MGRN1: variants seen among roughly 807,000 people sequenced by gnomAD.
MGRN1 encodes the protein mahogunin ring finger 1.
MGRN1 carries 29 observed loss-of-function variants against 69.2 expected under a neutral mutation model. The ratio of observed to expected loss-of-function variants is 0.42; its 90% CI spans 0.31 to 0.57. The LOEUF is 0.57. Ranked by LOEUF, MGRN1 falls within the 20% of genes least tolerant of loss-of-function variation. The pLI is 0.15. For missense variants in MGRN1, 998 were observed against 796.2 expected (o/e 1.25, Z -3.05); for synonymous variants, 470 against 344.2 (o/e 1.37, Z -4.04).
intron 1 of MGRN1, chr16:4,640,050 C>G (rs1260621678): frequency 6.6e-6 from 1 of 152,354 alleles, no homozygotes; most frequent in Admixed American, 6.5e-5. Flanking sequence ...TTGCCGCGTC[C>G]CGGGCCTCCC....
chr16:4,636,983 G>C (rs182974151), intron 1 of MGRN1, among the ~76,000 whole-genome samples: 93 of 152,030 alleles, frequency 6.1e-4, no homozygotes, highest in Non-Finnish European at 1.2e-3. Flanking sequence ...GCAGGGCACG[G>C]TGGCGTGCGC....
intron 4 of MGRN1, among the ~76,000 whole-genome samples, chr16:4,654,006 C>T (rs906449011): frequency 6.6e-6 from 1 of 152,186 alleles, no homozygotes; most frequent in Non-Finnish European, 1.5e-5. Context: ...CCTGCCTCGG[C>T]CTCCCAAAGT....
intron 11 of MGRN1, among the ~76,000 whole-genome samples, chr16:4,679,451 C>G (rs904357836): frequency 1.3e-5 from 2 of 152,066 alleles, no homozygotes; most frequent in African/African-American, 4.8e-5. Flanking sequence ...GCAAACGCTC[C>G]TCCTCACCTG....
intron 16 of MGRN1, among the ~76,000 whole-genome samples, chr16:4,685,955 G>A (rs921290377): frequency 2.6e-5 from 4 of 152,152 alleles, no homozygotes; most frequent in East Asian, 1.9e-4. Context: ...CCCCACCCAG[G>A]GCCTTCACTC....
intron 16 of MGRN1, among the ~76,000 whole-genome samples, chr16:4,685,486 G>A (rs1274399479): frequency 6.6e-6 from 1 of 152,204 alleles, no homozygotes; most frequent in Non-Finnish European, 1.5e-5. Context: ...TAGAGGAGAG[G>A]CCGAGTCTAC....
chr16:4,653,593 A>T (rs745792089), intron 4 of MGRN1, among the ~76,000 whole-genome samples: 1 of 147,988 alleles, frequency 6.8e-6, no homozygotes, highest in African/African-American at 2.5e-5. Flanking sequence ...AGTTGAAGCA[A>T]TTCTCCTGCC....
chr16:4,667,154 C>T (rs1299894852), intron 7 of MGRN1, among the ~76,000 whole-genome samples: 2 of 152,224 alleles, frequency 1.3e-5, no homozygotes. Context: ...GCCTCTGGGT[C>T]CTGCCTAGCC....
rs565650675 is a variant in MGRN1 at position 4,683,722 on chromosome 16, A to C, written c.1529-121A>C. 1.8e-5 allele frequency: 14 copies of C among 782,492 alleles called. No homozygotes were observed. The South Asian group carries it at 2.0e-4, about 11-fold the overall frequency. 48.5% of individuals were successfully genotyped at this position (782,492 alleles called of 1,614,324 possible). A position where few individuals can be genotyped will look rare whatever the true frequency, so the allele number is the denominator to read the frequency against. On this transcript the variant is annotated intron_variant, in intron 15 of 16. Transcript: ENST00000262370. The stretch of plus-strand genomic sequence containing the variant: ...CACGGTGGAGTCCTGCTGGAGCACA[A>C]GCCTGGGGTCCCCACAGTGGCTACA...
In MGRN1 at chr16:4,643,429, G is replaced by C. The variant is rs1318710293; in HGVS notation, c.89-6936G>C. Among the ~76,000 whole-genome samples the C allele has an allele frequency of 3.0e-5, 4 of 131,174 alleles. No homozygotes were observed. In the South Asian group the frequency reaches 9.7e-4, roughly 32 times the overall value. 86.1% of individuals were successfully genotyped at this position (131,174 alleles called of 152,430 possible). A position where few individuals can be genotyped will look rare whatever the true frequency, so the allele number is the denominator to read the frequency against. On this transcript the variant is annotated intron_variant, in intron 1 of 16. Transcript: ENST00000262370. ...TTTTTTTTTTTTTTTTTTTTTCTGA[G>C]ACAGAGTCTCCCTCACTGCAACCTC... is the stretch of plus-strand genomic sequence containing the variant.
At chr16:4,685,703 C>T (rs1228769096) in intron 16 of MGRN1, among the ~76,000 whole-genome samples, 1 of 152,260 alleles carries the variant, frequency 6.6e-6, no homozygotes, top group East Asian at 1.9e-4. Context: ...GTGGTGGCCC[C>T]TCTGTTCCAC....
chr16:4,640,794 G>C (rs1038944640), intron 1 of MGRN1, among the ~76,000 whole-genome samples: 24 of 152,216 alleles, frequency 1.6e-4, no homozygotes, highest in African/African-American at 5.8e-4. Context: ...TCCTGTCCCC[G>C]TGGTCCCCCG....
chr16:4,653,785 T>C (rs922790151), intron 4 of MGRN1, among the ~76,000 whole-genome samples: 5 of 143,470 alleles, frequency 3.5e-5, no homozygotes, highest in African/African-American at 1.1e-4. Flanking sequence ...AGAGTTTCGC[T>C]CTTGTTGCCC....
chr16:4,688,221 G>C, intron 16 of MGRN1: 1 of 985,708 alleles, frequency 1.0e-6, no homozygotes, highest in Non-Finnish European at 1.2e-6. Context: ...CAGCACCATT[G>C]CCCAAGCCCC....
chr16:4,688,965 C>A lies in MGRN1; in HGVS notation c.*57C>A. ...CGGCTCCCCAGACTTTGCCGAGGGG[C>A]TGCTCCGGACCCCGTTGTGAGCCGG... On this transcript the variant is annotated 3_prime_UTR_variant, in exon 17 of 17. Coordinates refer to ENST00000262370, the MANE Select transcript of MGRN1 (RefSeq NM_015246.4). 1 of 1,486,982 alleles carries A rather than the reference C, an allele frequency of 6.7e-7. No individual in the cohort carries two copies. Among genetic ancestry groups the A allele is most frequent in the Non-Finnish European group, 9.0e-7 (1 of 1,111,186 alleles). 92.1% of individuals were successfully genotyped at this position (1,486,982 alleles called of 1,614,324 possible).
chr16:4,682,512 C>A (rs2141978993), intron 13 of MGRN1, among the ~76,000 whole-genome samples: 1 of 152,362 alleles, frequency 6.6e-6, no homozygotes, highest in South Asian at 2.1e-4. Context: ...ACGGGGGCCT[C>A]TGTCTCCTGC....
At chr16:4,655,350 C>T (rs1223550428) in intron 4 of MGRN1, among the ~76,000 whole-genome samples, 1 of 152,218 alleles carries the variant, frequency 6.6e-6, no homozygotes, top group Non-Finnish European at 1.5e-5. Flanking sequence ...CCTGCCAGCC[C>T]TGGCTGGTGT....
At chr16:4,628,583 C>T (rs901536636) in intron 1 of MGRN1, among the ~76,000 whole-genome samples, 1 of 152,038 alleles carries the variant, frequency 6.6e-6, no homozygotes, top group Non-Finnish European at 1.5e-5. Context: ...GTTGCTCTGT[C>T]GCCCAGGTTG....
chr16:4,648,312 C>G (rs1311629925), intron 1 of MGRN1, among the ~76,000 whole-genome samples: 15 of 139,526 alleles, frequency 1.1e-4, no homozygotes, highest in African/African-American at 3.2e-4. Flanking sequence ...CCCGCGGGCT[C>G]TTCCCGTGGT....
Position 4,689,094 on chromosome 16 carries a change from C to T in MGRN1, c.*186C>T. On this transcript the variant is annotated 3_prime_UTR_variant, in exon 17 of 17. Coordinates refer to ENST00000262370, the MANE Select transcript of MGRN1 (RefSeq NM_015246.4). ...GTCCCTTCTGAGTCTCCCTTTTCTA[C>T]AGTTGATATATTTGTAACTGGTACA... The T allele has an allele frequency of 2.7e-6, 2 of 744,026 alleles. No homozygotes were observed. The highest frequency in any genetic ancestry group is 4.9e-5 in the South Asian group (2 of 40,666). 46.1% of individuals were successfully genotyped at this position (744,026 alleles called of 1,614,324 possible). A position where few individuals can be genotyped will look rare whatever the true frequency, so the allele number is the denominator to read the frequency against.
Sources: gnomAD v4.1 joint callset for allele counts (sites outside exome capture counted in the v4.1 genomes callset) on GRCh38, gnomAD v4.1.1 for gene constraint, MANE v1.5 for transcripts, NCBI Gene and HGNC (gene_info 2026-07-23, HGNC 2026-07-21) for gene names.